The following QNG1 variants were observed in gnomAD, a reference collection of about 807,000 sequenced individuals.
QNG1 encodes the protein queuosine 5'-phosphate N-glycosylase/hydrolase.
At chr9:83,954,616 T>C in the QNG1 span, among the ~76,000 whole-genome samples, 47 of 150,246 alleles carry the variant, frequency 3.1e-4, no homozygotes, top group Middle Eastern at 3.5e-3. Context: ...GCACAGTGGC[T>C]CACGCCTGTA....
chr9:83,953,326 C>A, the QNG1 span, among the ~76,000 whole-genome samples: 377 of 151,910 alleles, frequency 2.5e-3, 5 homozygotes, highest in African/African-American at 8.7e-3. Flanking sequence ...AGTGTGAGAA[C>A]ACACTAATAC....
chr9:83,943,360 A>G, the QNG1 span, among the ~76,000 whole-genome samples: 1 of 147,400 alleles, frequency 6.8e-6, no homozygotes, highest in Non-Finnish European at 1.5e-5. Context: ...AAAAAAAAAG[A>G]AAGAACACTG....
chr9:83,944,577 T>C, the QNG1 span, among the ~76,000 whole-genome samples: 4 of 152,252 alleles, frequency 2.6e-5, no homozygotes, highest in Non-Finnish European at 5.9e-5. Context: ...AATTATAATG[T>C]TCAAATAGCA....
At chr9:83,953,809 G>C in the QNG1 span, 2 of 1,548,710 alleles carry the variant, frequency 1.3e-6, no homozygotes, top group African/African-American at 2.7e-5. Flanking sequence ...AGCCTGTGAG[G>C]GTCCAACAAA....
the QNG1 span, among the ~76,000 whole-genome samples, chr9:83,948,040 C>G: frequency 6.6e-6 from 1 of 151,550 alleles, no homozygotes; most frequent in African/African-American, 2.4e-5. Flanking sequence ...GCGCCTCTTC[C>G]CGGCTGCCAT....
chr9:83,956,777 G>T, the QNG1 span: 1 of 367,120 alleles, frequency 2.7e-6, no homozygotes, highest in Non-Finnish European at 4.9e-6. Context: ...TCTCGGGCGC[G>T]CTCTCAGGCT....
the QNG1 span, among the ~76,000 whole-genome samples, chr9:83,951,604 C>A: frequency 6.6e-6 from 1 of 152,082 alleles, no homozygotes; most frequent in Non-Finnish European, 1.5e-5. Context: ...AAAATGTTAT[C>A]TATTGAAATA....
chr9:83,945,416 AAAT>A, the QNG1 span, among the ~76,000 whole-genome samples: 1 of 152,022 alleles, frequency 6.6e-6, no homozygotes, highest in African/African-American at 2.4e-5. Flanking sequence ...AAAAAAAAAA[AAAT>A]TCATAGATCT....
chr9:83,956,694 C>T, the QNG1 span: 1 of 468,028 alleles, frequency 2.1e-6, no homozygotes, highest in Non-Finnish European at 3.7e-6. Flanking sequence ...GATTAGGAAA[C>T]CAGAGAGACC....
At chr9:83,944,744 C>A in the QNG1 span, 3 of 1,409,318 alleles carry the variant, frequency 2.1e-6, no homozygotes, top group East Asian at 2.4e-5. Flanking sequence ...GAAACTAAAC[C>A]GAGATCCAAC....
chr9:83,952,635 A>T, the QNG1 span, among the ~76,000 whole-genome samples: 1,571 of 152,156 alleles, frequency 0.01, 27 homozygotes, highest in African/African-American at 0.036. Context: ...TCTACTAAAA[A>T]TACAAAAAAA....
At chr9:83,955,622 G>T in the QNG1 span, 1 of 1,613,070 alleles carries the variant, frequency 6.2e-7, no homozygotes, top group Non-Finnish European at 8.5e-7. Flanking sequence ...GTAGTACGAG[G>T]CACTAGTTAT....
At chr9:83,948,799 C>T in the QNG1 span, among the ~76,000 whole-genome samples, 1 of 152,166 alleles carries the variant, frequency 6.6e-6, no homozygotes, top group Non-Finnish European at 1.5e-5. Flanking sequence ...TTACCCCCAA[C>T]CCCGTGCTCT....
the QNG1 span, among the ~76,000 whole-genome samples, chr9:83,954,897 A>G: frequency 4.8e-5 from 7 of 146,874 alleles, no homozygotes; most frequent in Non-Finnish European, 9.0e-5. Context: ...AAAAAAAAAA[A>G]AAAAAAAGGA....
chr9:83,942,188 G>A, the QNG1 span, among the ~76,000 whole-genome samples: 1 of 152,148 alleles, frequency 6.6e-6, no homozygotes, highest in Non-Finnish European at 1.5e-5. Flanking sequence ...TCAGCCCTAG[G>A]AAACTAATGT....
chr9:83,951,546 G>A, the QNG1 span, among the ~76,000 whole-genome samples: 15,529 of 152,156 alleles, frequency 0.1, 985 homozygotes, highest in Non-Finnish European at 0.13. Context: ...GGGTGACAGC[G>A]AGACTCTGTC....
the QNG1 span, among the ~76,000 whole-genome samples, chr9:83,948,512 A>AG: frequency 0.11 from 14,827 of 131,454 alleles, 912 homozygotes; most frequent in Non-Finnish European, 0.14. Flanking sequence ...CCTGTCCGGG[A>AG]GGGGGGGGGC....
At chr9:83,939,347 C>T in the QNG1 span, 1 of 595,650 alleles carries the variant, frequency 1.7e-6, no homozygotes, top group South Asian at 2.0e-5. Context: ...GCTGGGATTA[C>T]AGGCATAAAC....
At chr9:83,948,678 A>C in the QNG1 span, among the ~76,000 whole-genome samples, 1 of 152,234 alleles carries the variant, frequency 6.6e-6, no homozygotes, top group Non-Finnish European at 1.5e-5. Flanking sequence ...GAAAGGAAAG[A>C]GGGATCGGAT....
Sources: allele counts gnomAD v4.1 joint callset (sites outside exome capture counted in the v4.1 genomes callset), GRCh38; gene constraint gnomAD v4.1.1; transcripts MANE v1.5; gene names NCBI Gene and HGNC (gene_info 2026-07-23, HGNC 2026-07-21).